Variants in RB1CC1 observed in about 807,000 individuals in gnomAD.
RB1CC1 encodes RB1-inducible coiled-coil protein 1.
Under a neutral mutation model 177.5 loss-of-function variants are expected in RB1CC1, and 46 were observed. The observed-to-expected ratio is 0.26, with a 90% CI of 0.20 to 0.33. RB1CC1 has a LOEUF of 0.33. Ranked by LOEUF, RB1CC1 falls within the 10% of genes least tolerant of loss-of-function variation. RB1CC1 has a pLI of 1.00. For missense variants in RB1CC1, 1,703 were observed against 1,816.3 expected (o/e 0.94, Z 1.13); for synonymous variants, 666 against 613.6 (o/e 1.09, Z -1.26).
At chr8:52,646,760 T>C (rs1184466724) in intron 15 of RB1CC1, among the ~76,000 whole-genome samples, 2 of 152,230 alleles carry the variant, frequency 1.3e-5, no homozygotes, top group South Asian at 2.1e-4. Flanking sequence ...GAACAAACAC[T>C]GGTTAATGAT....
intron 15 of RB1CC1, 50 bp downstream of exon 15, chr8:52,655,958 G>A (rs755940461): frequency 6.6e-6 from 9 of 1,366,544 alleles, no homozygotes; most frequent in South Asian, 4.1e-5. Flanking sequence ...ACACACAAAC[G>A]AATCACTGAT....
chr8:52,632,155 C>T (rs1283801737), intron 20 of RB1CC1, among the ~76,000 whole-genome samples: 3 of 152,156 alleles, frequency 2.0e-5, no homozygotes, highest in African/African-American at 7.2e-5. Flanking sequence ...AAGCTTCAAT[C>T]CATTTATCCA....
intron 21 of RB1CC1, among the ~76,000 whole-genome samples, chr8:52,628,668 A>G (rs1848553934): frequency 6.6e-6 from 1 of 152,216 alleles, no homozygotes; most frequent in South Asian, 2.1e-4. Flanking sequence ...GTCAACAGAT[A>G]TTACTATTTT....
At chr8:52,632,051 C>T (rs1848803530) in intron 20 of RB1CC1, among the ~76,000 whole-genome samples, 6 of 152,164 alleles carry the variant, frequency 3.9e-5, no homozygotes, top group Admixed American at 3.3e-4. Context: ...GATAGCCACC[C>T]ACTTCCTCTA....
intron 1 of RB1CC1, among the ~76,000 whole-genome samples, chr8:52,713,379 A>C (rs1415760746): frequency 1.3e-5 from 2 of 152,238 alleles, no homozygotes; most frequent in African/African-American, 2.4e-5. Context: ...GAGATATTCC[A>C]TTCAGAAGCT....
chr8:52,690,412 A>G (rs1375267031), intron 1 of RB1CC1, among the ~76,000 whole-genome samples: 2 of 152,344 alleles, frequency 1.3e-5, no homozygotes, highest in African/African-American at 4.8e-5. Context: ...CATGGAGTTC[A>G]GTCTTGAAGG....
chr8:52,706,798 A>G (rs1591154227), intron 1 of RB1CC1, among the ~76,000 whole-genome samples: 2 of 151,012 alleles, frequency 1.3e-5, no homozygotes, highest in Non-Finnish European at 2.9e-5. Context: ...AGCTGGGATT[A>G]TAGGCACCCA....
chr8:52,649,324 A>G (rs1250093204), intron 15 of RB1CC1, among the ~76,000 whole-genome samples: 1 of 152,198 alleles, frequency 6.6e-6, no homozygotes, highest in Non-Finnish European at 1.5e-5. Context: ...CTTTAGTATC[A>G]CGGAAACTTG....
At chr8:52,712,908 C>G (rs1857176072) in intron 1 of RB1CC1, among the ~76,000 whole-genome samples, 2 of 152,204 alleles carry the variant, frequency 1.3e-5, no homozygotes, top group Non-Finnish European at 2.9e-5. Flanking sequence ...AAACTAAAAT[C>G]AGCCACCTCC....
At chr8:52,640,702 G>C (rs904798136) in intron 18 of RB1CC1, among the ~76,000 whole-genome samples, 1 of 151,694 alleles carries the variant, frequency 6.6e-6, no homozygotes, top group African/African-American at 2.4e-5. Context: ...ACACATGTCC[G>C]GACATATTTA....
At chr8:52,707,400 T>G (rs1026522820) in intron 1 of RB1CC1, among the ~76,000 whole-genome samples, 10 of 151,596 alleles carry the variant, frequency 6.6e-5, no homozygotes, top group Non-Finnish European at 1.2e-4. Context: ...TGCCCCAAAC[T>G]TCAGTTATTT....
intron 8 of RB1CC1, among the ~76,000 whole-genome samples, chr8:52,664,415 T>C (rs1260000349): frequency 2.0e-5 from 3 of 152,180 alleles, no homozygotes; most frequent in Non-Finnish European, 4.4e-5. Context: ...TGTCTCGAAA[T>C]GTTTAAAAGG....
At position 52,642,691 on chromosome 8, in the gene RB1CC1, A is replaced by G. The variant is rs1410990607; in HGVS notation, c.4096+13T>C. Reference sequence around the variant, plus strand: ...TTAAAAAATTAAAAAAAATAGTACAAAACAGTACAAACCTTTATCCCGTTC... The same window carrying G: ...TTAAAAAATTAAAAAAAATAGTACAGAACAGTACAAACCTTTATCCCGTTC... On this transcript the variant is annotated intron_variant, in intron 17 of 23. Transcript: ENST00000025008. 3.8e-6 allele frequency: 6 copies of G among 1,573,764 alleles called. No individual in the cohort carries two copies. The highest frequency in any genetic ancestry group is 5.1e-6 in the Non-Finnish European group (6 of 1,166,104).
intron 15 of RB1CC1, among the ~76,000 whole-genome samples, chr8:52,648,487 G>A (rs1850260302): frequency 6.6e-6 from 1 of 152,130 alleles, no homozygotes; most frequent in Non-Finnish European, 1.5e-5. Context: ...TCACTGCCTA[G>A]CTTTCTATGG....
chr8:52,637,430 T>C (rs1849229992), intron 18 of RB1CC1, among the ~76,000 whole-genome samples: 1 of 152,114 alleles, frequency 6.6e-6, no homozygotes, highest in Non-Finnish European at 1.5e-5. Flanking sequence ...CACAAACCCC[T>C]AGGCTCAAGG....
chr8:52,650,190 T>A lies in RB1CC1; in HGVS notation c.3822-4323A>T, dbSNP rs1317338087. The stretch of plus-strand genomic sequence containing the variant: ...GACTGTGTGTCCTCACATAAGCATC[T>A]TTCTTCTTCAAAGGTTTCCTCTGCA... On this transcript the variant is annotated intron_variant, in intron 15 of 23. Coordinates refer to ENST00000025008, the MANE Select transcript of RB1CC1 (RefSeq NM_014781.5). Among the ~76,000 whole-genome samples the A allele has an allele frequency of 2.0e-5, 3 of 152,354 alleles. No homozygotes were observed. In the East Asian group the frequency reaches 5.8e-4, roughly 29 times the overall value.
intron 1 of RB1CC1, among the ~76,000 whole-genome samples, chr8:52,706,742 A>C (rs548277836): frequency 1.3e-5 from 2 of 151,764 alleles, no homozygotes; most frequent in African/African-American, 4.8e-5. Flanking sequence ...TTTCAAAAAA[A>C]AAAAAAAAAG....
chr8:52,661,407 C>T (rs1358429732), intron 9 of RB1CC1, 126 bp from the exon 10 acceptor site: 1 of 1,456,400 alleles, frequency 6.9e-7, no homozygotes, highest in Middle Eastern at 2.1e-4. Context: ...CAAAAATAGT[C>T]TAATTCCAAA....
chr8:52,627,952 T>A, intron 22 of RB1CC1, 80 bp downstream of exon 22: 1 of 1,293,908 alleles, frequency 7.7e-7, no homozygotes, highest in Non-Finnish European at 1.0e-6. Context: ...TCTTATGTAA[T>A]TAAACAGGGA....
Sources: gnomAD v4.1 joint callset for allele counts (sites outside exome capture counted in the v4.1 genomes callset) on GRCh38, gnomAD v4.1.1 for gene constraint, MANE v1.5 for transcripts, NCBI Gene and HGNC (gene_info 2026-07-23, HGNC 2026-07-21) for gene names.